HRK: variants seen among roughly 807,000 people sequenced by gnomAD.
The protein encoded by HRK is activator of apoptosis harakiri.
A neutral mutation model predicts 5.9 loss-of-function variants in HRK; 6 were observed. The observed-to-expected ratio is 1.02, with a 90% CI of 0.56 to 2.01. HRK has a LOEUF of 2.01. Ranked by LOEUF, HRK falls within the 30% of genes most tolerant of loss-of-function variation. HRK has a pLI of 0.00. For synonymous variants in HRK, 85 were observed against 65.1 expected (o/e 1.31, Z -1.47); for missense variants, 133 against 128.3 (o/e 1.04, Z -0.18).
intron 1 of HRK, among the ~76,000 whole-genome samples, chr12:116,866,013 C>A (rs1450418665): frequency 6.6e-6 from 1 of 151,856 alleles, no homozygotes; most frequent in African/African-American, 2.4e-5. Context: ...CAAAAATTAG[C>A]CAGGTGCGGT....
At chr12:116,867,866 G>A (rs901544145) in intron 1 of HRK, 2 of 152,142 alleles carry the variant, frequency 1.3e-5, no homozygotes, top group African/African-American at 2.4e-5. Flanking sequence ...AATAGGATGC[G>A]TGTGTGGGTG....
At chr12:116,866,416 G>C (rs956394476) in intron 1 of HRK, among the ~76,000 whole-genome samples, 1 of 151,334 alleles carries the variant, frequency 6.6e-6, no homozygotes, top group Non-Finnish European at 1.5e-5. Flanking sequence ...AAAAGACTTG[G>C]AGGAGAAGCT....
intron 1 of HRK, among the ~76,000 whole-genome samples, chr12:116,873,154 G>A (rs890558210): frequency 1.3e-5 from 2 of 151,836 alleles, no homozygotes. Context: ...GTTTTGTTTT[G>A]AGACAGAGTC....
intron 1 of HRK, among the ~76,000 whole-genome samples, chr12:116,874,451 C>G (rs1201203139): frequency 6.6e-6 from 1 of 152,198 alleles, no homozygotes; most frequent in African/African-American, 2.4e-5. Flanking sequence ...GGGGCACTCT[C>G]TATTGTGTTA....
chr12:116,870,744 G>A (rs1565883890), intron 1 of HRK, among the ~76,000 whole-genome samples: 1 of 152,118 alleles, frequency 6.6e-6, no homozygotes, highest in Non-Finnish European at 1.5e-5. Flanking sequence ...AGGCTGCAGT[G>A]AGCCCTGATT....
chr12:116,874,991 T>C (rs1878879444), intron 1 of HRK, among the ~76,000 whole-genome samples: 1 of 152,200 alleles, frequency 6.6e-6, no homozygotes, highest in African/African-American at 2.4e-5. Flanking sequence ...GCCTTCCATA[T>C]AGGTGAGTTC....
At chr12:116,864,540 ATT>A (rs1878471427) in intron 1 of HRK, among the ~76,000 whole-genome samples, 1 of 152,130 alleles carries the variant, frequency 6.6e-6, no homozygotes, top group Non-Finnish European at 1.5e-5. Flanking sequence ...ACACACACAT[ATT>A]TTTTCCATAT....
At chr12:116,876,588 C>A (rs1878938100) in intron 1 of HRK, 1 of 152,494 alleles carries the variant, frequency 6.6e-6, no homozygotes, top group Non-Finnish European at 1.5e-5. Flanking sequence ...CTGGCCCCGA[C>A]TCCCAGGCAG....
Position 116,867,676 on chromosome 12 carries a change from C to G in HRK, c.*57-6210G>C, listed in dbSNP as rs1404693886. The G allele has an allele frequency of 2.6e-5, 4 of 152,270 alleles. No individual in the cohort carries two copies. In the East Asian group the frequency reaches 7.7e-4, roughly 29 times the overall value. The allele number at this position is 152,270 out of a possible 1,614,324, so 9.4% of individuals were successfully genotyped here. The stretch of plus-strand genomic sequence containing the variant: ...GAAAACAGGAAACAATGCAAATGTT[C>G]CCAAGGAAGTGACCATATAAGGAAA... On this transcript the variant is annotated intron_variant, in intron 1 of 1. Coordinates refer to ENST00000257572, the MANE Select transcript of HRK (RefSeq NM_003806.4).
intron 1 of HRK, among the ~76,000 whole-genome samples, chr12:116,865,265 G>C (rs551960601): frequency 3.3e-5 from 5 of 152,120 alleles, no homozygotes; most frequent in African/African-American, 1.2e-4. Flanking sequence ...ACCTTGGCCG[G>C]GTGTGGTGGC....
At chr12:116,861,938 T>G (rs1352238102) in intron 1 of HRK, among the ~76,000 whole-genome samples, 2 of 152,226 alleles carry the variant, frequency 1.3e-5, no homozygotes, top group Non-Finnish European at 2.9e-5. Context: ...TTCCCAAGTA[T>G]GCCAAGTGCC....
Position 116,862,313 on chromosome 12 carries a change from CA to C in HRK, c.*57-848del, listed in dbSNP as rs983320435. On this transcript the variant is annotated intron_variant, in intron 1 of 1. Transcript: ENST00000257572. This position sits in a 1 kb window ranked among gnomAD's most constrained non-coding sequence, Gnocchi z 4.0. ...TATCCATAATAGCAAAATACGGAAA[CA>C]ACCCAAATGTCCATCAACTGATGAA... 6.6e-6 allele frequency among the ~76,000 whole-genome samples: 1 copy of C among 152,174 alleles called. No individual in the cohort carries two copies. The highest frequency in any genetic ancestry group is 1.5e-5 in the Non-Finnish European group (1 of 68,020).
chr12:116,858,049 G>A lies in HRK; in HGVS notation c.*3474C>T, dbSNP rs1353437672. 1.4e-5 allele frequency: 2 copies of A among 140,778 alleles called. No homozygotes were observed. Among genetic ancestry groups the A allele is most frequent in the African/African-American group, 5.3e-5 (2 of 38,060 alleles). The allele number at this position is 140,778 out of a possible 1,614,324, so 8.7% of individuals were successfully genotyped here. On this transcript the variant is annotated 3_prime_UTR_variant, in exon 2 of 2. Transcript: ENST00000257572. Reference sequence around the variant, plus strand: ...AGCCTGGGTGACAGAGTGAGACTCTGTCTCAAAATAAAATAGAAGAAGAAG... The same window carrying A: ...AGCCTGGGTGACAGAGTGAGACTCTATCTCAAAATAAAATAGAAGAAGAAG...
chr12:116,870,490 A>G (rs148972613), intron 1 of HRK, among the ~76,000 whole-genome samples: 296 of 152,234 alleles, frequency 1.9e-3, no homozygotes, highest in Non-Finnish European at 3.6e-3. Context: ...CAGCCAGCTC[A>G]AAAGCCAACA....
intron 1 of HRK, among the ~76,000 whole-genome samples, chr12:116,864,034 C>T (rs1878453990): frequency 6.6e-6 from 1 of 152,236 alleles, no homozygotes; most frequent in South Asian, 2.1e-4. Context: ...GGCACAAACA[C>T]AGTAGGAACT....
At chr12:116,877,113 C>G (rs1271065955) in intron 1 of HRK, among the ~76,000 whole-genome samples, 1 of 152,160 alleles carries the variant, frequency 6.6e-6, no homozygotes, top group East Asian at 1.9e-4. Flanking sequence ...TGCAATAGTG[C>G]GATCTCAGCT....
chr12:116,880,570 G>A (rs936529572), intron 1 of HRK, among the ~76,000 whole-genome samples: 4 of 152,152 alleles, frequency 2.6e-5, no homozygotes, highest in Non-Finnish European at 4.4e-5. Context: ...GAACGGGACC[G>A]GGGACCTTTC....
rs998368044 is a variant in HRK at position 116,881,227 on chromosome 12, C to G, written c.81G>C (p.Ser27=). 6.3e-6 allele frequency: 7 copies of G among 1,110,692 alleles called. No homozygotes were observed. The highest frequency in any genetic ancestry group is 7.7e-6 in the Non-Finnish European group (7 of 912,260). 68.8% of individuals were successfully genotyped at this position (1,110,692 alleles called of 1,614,324 possible). ...GGGCGGCGGTGAGCTGCGCGGCGGA[C>G]GAGCGCAGCCCCAGGCGACCCGCGC... ...ACSAGRLGLR[S]SAAQLTAARL... The change falls in exon 1 of 2, where the codon TCG becomes TCC. Residue 27 remains serine, a synonymous_variant. Transcript: ENST00000257572.
chr12:116,876,063 G>A (rs1878915279), intron 1 of HRK, among the ~76,000 whole-genome samples: 2 of 152,078 alleles, frequency 1.3e-5, no homozygotes, highest in Non-Finnish European at 2.9e-5. Flanking sequence ...AAAAACTCTA[G>A]AGTTATGATT....
Sources: gnomAD v4.1 joint callset for allele counts (sites outside exome capture counted in the v4.1 genomes callset) on GRCh38, gnomAD v4.1.1 for gene constraint, Gnocchi (gnomAD v3.1) non-coding constraint, MANE v1.5 for transcripts, NCBI Gene and HGNC (gene_info 2026-07-23, HGNC 2026-07-21) for gene names.